Variants in MMP28 observed in about 807,000 individuals in gnomAD.
MMP28 encodes matrix metallopeptidase 28, also known as matrix metalloproteinase-28.
In MMP28, 55 loss-of-function variants were observed where a neutral mutation model predicts 60.5. The observed-to-expected ratio is 0.91, with a 90% CI of 0.73 to 1.14. MMP28 has a LOEUF of 1.14. MMP28 is among the 50% of genes most tolerant of loss of function. The probability of loss-of-function intolerance (pLI) is 0.00; values close to 1 mark genes in which losing one functional copy is unlikely to be tolerated. For missense variants in MMP28, 686 were observed against 738.3 expected (o/e 0.93, Z 0.82); for synonymous variants, 318 against 312.5 (o/e 1.02, Z -0.18).
intron 4 of MMP28, 26 bp from the exon 5 acceptor site, chr17:35,770,338 G>A (rs764558412): frequency 8.8e-6 from 13 of 1,476,062 alleles, no homozygotes; most frequent in Admixed American, 2.4e-5. Flanking sequence ...AAGGTCAGGG[G>A]GTGCCACGGC....
At chr17:35,764,612 C>G (rs1555602437), downstream of MMP28, 1 of 1,580,292 alleles carries the variant, frequency 6.3e-7, no homozygotes, top group African/African-American at 1.4e-5. Context: ...CCGCTGGGAA[C>G]TCCTGAGCGC....
At chr17:35,778,609 C>A in intron 3 of MMP28, 3 of 595,802 alleles carry the variant, frequency 5.0e-6, no homozygotes, top group East Asian at 3.0e-5. Context: ...GTTTATCTGC[C>A]CTGCATTGAA....
chr17:35,760,093 G>A (rs1451631095), intron 2 of MMP28, among the ~76,000 whole-genome samples: 1 of 152,164 alleles, frequency 6.6e-6, no homozygotes, highest in Non-Finnish European at 1.5e-5. Flanking sequence ...CCCAAAGGAA[G>A]GGACTCCATT....
chr17:35,766,065 T>G lies in MMP28; in HGVS notation c.*435A>C, dbSNP rs1267195183. 3.0e-6 allele frequency: 3 copies of G among 990,376 alleles called. No individual in the cohort carries two copies. The highest frequency in any genetic ancestry group is 3.6e-6 in the Non-Finnish European group (3 of 833,576). 61.3% of individuals were successfully genotyped at this position (990,376 alleles called of 1,614,324 possible). ...GGGCCTCTGACTAAATATGACACCG[T>G]TTTTCAAGAACTGAGCCAGGGGGTC... On this transcript the variant is annotated 3_prime_UTR_variant, in exon 8 of 8. Coordinates refer to ENST00000605424, the MANE Select transcript of MMP28 (RefSeq NM_024302.5). The surrounding 1 kb of genome is among the most constrained non-coding windows in gnomAD (Gnocchi z 4.3).
rs192868542 is a variant in MMP28 at position 35,773,325 on chromosome 17, G to A, written c.459C>T (p.Gly153=). 3,670 of 1,612,834 alleles carry A rather than the reference G, an allele frequency of 2.3e-3. 17 individuals carry two copies. The highest frequency in any genetic ancestry group is 2.0e-3 in the Non-Finnish European group (2,345 of 1,179,516). ...PEHLPEPAVR[G]AVRAAFQLWS... is the part of the protein sequence containing the mutation. ...ACAACTGGAAGGCGGCGCGCACGGC[G>A]CCCCGAACTGCCGGCTCCGGCAGAT... The change falls in exon 4 of 8, where the codon GGC becomes GGT. Residue 153 remains glycine (G), a synonymous_variant. Transcript: ENST00000605424.
rs2085928388 is a variant in MMP28, at chr17:35,766,034, G to C, written c.*466C>G. On this transcript the variant is annotated 3_prime_UTR_variant, in exon 8 of 8. Transcript: ENST00000605424. The surrounding 1 kb of genome is among the most constrained non-coding windows in gnomAD (Gnocchi z 4.3). ...CCTTCATCCCCATCCATGCTTCCTG[G>C]GGGTGGGGCCTCTGACTAAATATGA... 1 of 985,310 alleles carries C rather than the reference G, an allele frequency of 1.0e-6. No individual in the cohort carries two copies. Among genetic ancestry groups the C allele is most frequent in the South Asian group, 4.7e-5 (1 of 21,288 alleles). The allele number at this position is 985,310 out of a possible 1,614,324, so 61.0% of individuals were successfully genotyped here.
At chr17:35,762,433 C>T (rs1461487626), downstream of MMP28, among the ~76,000 whole-genome samples, 8 of 152,116 alleles carry the variant, frequency 5.3e-5, no homozygotes, top group African/African-American at 1.7e-4. Context: ...GCTGAATGGG[C>T]GGCGGACACC....
At chr17:35,778,638 A>G in intron 3 of MMP28, 4 of 814,424 alleles carry the variant, frequency 4.9e-6, no homozygotes, top group Non-Finnish European at 5.5e-6. Context: ...AAGGAATTAC[A>G]TGGGTTTTGT....
intron 1 of MMP28, among the ~76,000 whole-genome samples, chr17:35,780,490 T>G (rs1555609077): frequency 6.6e-6 from 1 of 152,230 alleles, no homozygotes; most frequent in African/African-American, 2.4e-5. Context: ...CTTTTATTCA[T>G]TCGTTAATTA....
chr17:35,789,797 C>T (rs974250982), intron 1 of MMP28, among the ~76,000 whole-genome samples: 2 of 150,466 alleles, frequency 1.3e-5, no homozygotes, highest in Non-Finnish European at 2.9e-5. Context: ...CGGAGTCTCG[C>T]TCTGCTCAAG....
chr17:35,774,815 A>G (rs934019871), intron 3 of MMP28, among the ~76,000 whole-genome samples: 1 of 152,210 alleles, frequency 6.6e-6, no homozygotes, highest in Non-Finnish European at 1.5e-5. Context: ...AAGAAGGCAG[A>G]GGGAAGACCT....
At chr17:35,764,021 T>G, downstream of MMP28, 2 of 1,544,996 alleles carry the variant, frequency 1.3e-6, no homozygotes, top group Non-Finnish European at 1.7e-6. Context: ...GAAGACCCCC[T>G]TGTGGAAGAA....
At position 35,785,736 on chromosome 17, in the gene MMP28, C is replaced by T. The variant is rs1361431980; in HGVS notation, c.112-6413G>A. On this transcript the variant is annotated intron_variant, in intron 1 of 7. Transcript: ENST00000605424. ...TGCTGGGATTACAGGCTTGAGCCAC[C>T]GCGCCCAGCCAGGAGATTAGATTAT... 3.3e-5 allele frequency among the ~76,000 whole-genome samples: 5 copies of T among 152,166 alleles called. No individual in the cohort carries two copies. In the East Asian group the frequency reaches 7.7e-4, roughly 24 times the overall value.
chr17:35,773,437 T>G, intron 3 of MMP28, 33 bp from the exon 4 acceptor site: 1 of 1,540,402 alleles, frequency 6.5e-7, no homozygotes, highest in Non-Finnish European at 8.8e-7. Context: ...CAGTCACACC[T>G]GCTGCAGAGC....
chr17:35,789,434 C>T (rs971013808), intron 1 of MMP28, among the ~76,000 whole-genome samples: 1 of 152,154 alleles, frequency 6.6e-6, no homozygotes, highest in Non-Finnish European at 1.5e-5. Flanking sequence ...TTTCCTGTGC[C>T]GTTTTGGTTT....
intron 1 of MMP28, among the ~76,000 whole-genome samples, chr17:35,792,121 C>T (rs768216155): frequency 1.1e-4 from 17 of 152,094 alleles, no homozygotes; most frequent in East Asian, 3.8e-4. Context: ...GTTCCCTAAA[C>T]GACACAACAG....
At chr17:35,757,807 G>A in intron 2 of MMP28, among the ~76,000 whole-genome samples, 1 of 152,068 alleles carries the variant, frequency 6.6e-6, no homozygotes, top group East Asian at 1.9e-4. Flanking sequence ...TGGGGGTCTT[G>A]CTATGTTGCC....
rs1703415675 is a variant in MMP28 at position 35,766,125 on chromosome 17, C to G, written c.*375G>C. On this transcript the variant is annotated 3_prime_UTR_variant, in exon 8 of 8. Transcript: ENST00000605424. This position sits in a 1 kb window ranked among gnomAD's most constrained non-coding sequence, Gnocchi z 4.3. ...AGGGCACAGTCTTGCAAAATGGTCT[C>G]GAATTTCTCTGCTGAGTTTTTCATC... 1 of 1,021,718 alleles carries G rather than the reference C, an allele frequency of 9.8e-7. No individual in the cohort carries two copies. The highest frequency in any genetic ancestry group is 5.3e-5 in the Admixed American group (1 of 18,758). The allele number at this position is 1,021,718 out of a possible 1,614,324, so 63.3% of individuals were successfully genotyped here. A position where few individuals can be genotyped will look rare whatever the true frequency, so the allele number is the denominator to read the frequency against.
At position 35,795,503 on chromosome 17, in the gene MMP28, T is replaced by C; in HGVS notation, c.-126A>G. 1 of 610,846 alleles carries C rather than the reference T, an allele frequency of 1.6e-6. No individual in the cohort carries two copies. 37.8% of individuals were successfully genotyped at this position (610,846 alleles called of 1,614,324 possible). On this transcript the variant is annotated 5_prime_UTR_variant, in exon 1 of 8. Coordinates refer to ENST00000605424, the MANE Select transcript of MMP28 (RefSeq NM_024302.5). The stretch of plus-strand genomic sequence containing the variant: ...GCCGCCCCCGCACGGAGAGGGACTG[T>C]CCCGGGGTTTCGCCAGTGCCCTAGC...
Sources: allele counts gnomAD v4.1 joint callset (sites outside exome capture counted in the v4.1 genomes callset), GRCh38; gene constraint gnomAD v4.1.1; non-coding constraint Gnocchi (gnomAD v3.1); transcripts MANE v1.5; gene names NCBI Gene and HGNC (gene_info 2026-07-23, HGNC 2026-07-21).